CELSR1: variants seen among roughly 807,000 people sequenced by gnomAD.
The protein encoded by CELSR1 is cadherin EGF LAG seven-pass G-type receptor 1.
CELSR1 carries 110 observed loss-of-function variants against 249.1 expected under a neutral mutation model. That is an observed-to-expected ratio of 0.44 (90% CI 0.38 to 0.52). The LOEUF (loss-of-function observed/expected upper bound fraction) is 0.52, where lower values mean the gene tolerates loss of function less well. Ranked by LOEUF, CELSR1 falls within the 20% of genes least tolerant of loss-of-function variation. The pLI is 0.00. For synonymous variants in CELSR1, 2,113 were observed against 1,900.0 expected (o/e 1.11, Z -2.92); for missense variants, 4,109 against 4,296.4 (o/e 0.96, Z 1.22).
chr22:46,421,964 C>T (rs1183951295), intron 5 of CELSR1, among the ~76,000 whole-genome samples: 1 of 152,232 alleles, frequency 6.6e-6, no homozygotes, highest in Non-Finnish European at 1.5e-5. Context: ...GCCAACAAGG[C>T]CCTGAGGGCA....
At chr22:46,481,592 G>A (rs1250954831) in intron 1 of CELSR1, 6 of 791,982 alleles carry the variant, frequency 7.6e-6, no homozygotes, top group African/African-American at 1.7e-5. Context: ...ATGCACTGGT[G>A]CACCTGCTCC....
chr22:46,390,398 CCT>C lies in CELSR1; in HGVS notation c.6337_6338del (p.Arg2113GlyfsTer4), dbSNP rs1270792675. 1.9e-6 allele frequency: 3 copies of C among 1,612,978 alleles called. No individual in the cohort carries two copies. On this transcript the variant is annotated frameshift_variant, in exon 17 of 35. Transcript: ENST00000674500. LOFTEE classifies it high-confidence loss of function. The surrounding 1 kb of genome is among the most constrained non-coding windows in gnomAD (Gnocchi z 6.3). Reference protein sequence around the residue: ...NCTTISFVDLRAMNEKLSRNE... With the variant: ...NCTTISFVDLXAMNEKLSRNE... ...ATCCCCGAGGCGCCCCTACCATGGC[CCT>C]GAGGTCCACGAAGGAGATGGTGGTA...
chr22:46,367,981 C>T (rs2078806734), intron 27 of CELSR1, 126 bp from the exon 28 acceptor site: 9 of 1,319,884 alleles, frequency 6.8e-6, no homozygotes, highest in Non-Finnish European at 7.2e-6. Context: ...TCCACCTGTC[C>T]ACCCAGCCAT....
At chr22:46,507,435 G>A (rs1048457975) in intron 1 of CELSR1, among the ~76,000 whole-genome samples, 6 of 151,794 alleles carry the variant, frequency 4.0e-5, no homozygotes, top group African/African-American at 9.7e-5. Context: ...ACAGCACCCC[G>A]AGCAGCTGCA....
At chr22:46,370,404 C>G (rs1372122795) in intron 25 of CELSR1, among the ~76,000 whole-genome samples, 1 of 151,970 alleles carries the variant, frequency 6.6e-6, no homozygotes, top group Non-Finnish European at 1.5e-5. Flanking sequence ...GAGGCACACA[C>G]CATACACACG....
In CELSR1 at chr22:46,484,213, TG is replaced by T. The variant is rs1447272963; in HGVS notation, c.3545-19869del. Among the ~76,000 whole-genome samples the T allele has an allele frequency of 3.3e-5, 5 of 152,090 alleles. No homozygotes were observed. Among genetic ancestry groups the T allele is most frequent in the Non-Finnish European group, 4.4e-5 (3 of 68,022 alleles). ...GTGGGGACGGGTCCGAGGTCTGAACTGGGCACCAGTAAACCTGGCATCCACA... is the reference window on the plus strand; with the variant it reads ...GTGGGGACGGGTCCGAGGTCTGAACTGGCACCAGTAAACCTGGCATCCACA... On this transcript the variant is annotated intron_variant, in intron 1 of 34. Coordinates refer to ENST00000674500, the MANE Select transcript of CELSR1 (RefSeq NM_001378328.1). The surrounding 1 kb of genome is among the most constrained non-coding windows in gnomAD (Gnocchi z 4.5).
chr22:46,521,338 T>C (rs1219539743), intron 1 of CELSR1, among the ~76,000 whole-genome samples: 1 of 151,896 alleles, frequency 6.6e-6, no homozygotes, highest in Non-Finnish European at 1.5e-5. Context: ...ATCCCGTCTC[T>C]ACTAAAAATT....
Position 46,415,205 on chromosome 22 carries a change from C to T in CELSR1, c.4612-3446G>A, listed in dbSNP as rs564527183. ...CGCTCTGTCACCCAGGCTGGAGTGC[C>T]GTGGCATGATCTCGGCTCACTGCAA... On this transcript the variant is annotated intron_variant, in intron 5 of 34. Transcript: ENST00000674500. 2.0e-5 allele frequency among the ~76,000 whole-genome samples: 3 copies of T among 152,142 alleles called. No individual in the cohort carries two copies. In the East Asian group the frequency reaches 5.8e-4, roughly 29 times the overall value.
At chr22:46,491,637 C>CTTT (rs72436813) in intron 1 of CELSR1, among the ~76,000 whole-genome samples, 1 of 136,218 alleles carries the variant, frequency 7.3e-6, no homozygotes, top group Non-Finnish European at 1.6e-5. Flanking sequence ...CTCTCTCTCT[C>CTTT]TTTTTTTTTT....
In CELSR1 at chr22:46,488,784, C is replaced by T. The variant is rs932744508; in HGVS notation, c.3545-24439G>A. On this transcript the variant is annotated intron_variant, in intron 1 of 34. Transcript: ENST00000674500. The surrounding 1 kb of genome is among the most constrained non-coding windows in gnomAD (Gnocchi z 4.7). ...ATGCCATTCTCCTGCCTCAGCCTCC[C>T]GAGTAGCTGGGACTACAGGCGCCCG... 2.6e-5 allele frequency among the ~76,000 whole-genome samples: 4 copies of T among 152,068 alleles called. No homozygotes were observed. Among genetic ancestry groups the T allele is most frequent in the African/African-American group, 9.7e-5 (4 of 41,414 alleles).
chr22:46,535,219 T>C lies in CELSR1; in HGVS notation c.1952A>G (p.Glu651Gly), dbSNP rs1180660984. Residue 651 changes from glutamate to glycine, a missense_variant, in exon 1 of 35, where the codon GAG (glutamate) becomes GGG (glycine). Glu to Gly is a moderately conservative substitution (Grantham distance 98, BLOSUM62 -2). Coordinates refer to ENST00000674500, the MANE Select transcript of CELSR1 (RefSeq NM_001378328.1). ...CGCCTCCACCCCGAAGCTGTAGTGC[T>C]CCACCTCCTCGCGGTCCAGCTCGGC... ...VCAELDREEV[E>G]HYSFGVEAVD... is the part of the protein sequence containing the mutation. The C allele has an allele frequency of 1.2e-6, 2 of 1,609,714 alleles. No individual in the cohort carries two copies. The highest frequency in any genetic ancestry group is 1.7e-5 in the Admixed American group (1 of 60,012).
Position 46,363,340 on chromosome 22 carries a change from A to C in CELSR1, c.9036-93T>G. On this transcript the variant is annotated intron_variant, in intron 34 of 34. Transcript: ENST00000674500. This position sits in a 1 kb window ranked among gnomAD's most constrained non-coding sequence, Gnocchi z 4.3. ...GGTTGTCACACGGGGGGGCAGGATCACCCCATCAGGGTAGAGGGGGCGTCT... is the reference window on the plus strand; with the variant it reads ...GGTTGTCACACGGGGGGGCAGGATCCCCCCATCAGGGTAGAGGGGGCGTCT... The C allele has an allele frequency of 6.8e-6, 7 of 1,028,176 alleles. No individual in the cohort carries two copies. The highest frequency in any genetic ancestry group is 2.8e-5 in the East Asian group (1 of 35,942). The allele number at this position is 1,028,176 out of a possible 1,614,324, so 63.7% of individuals were successfully genotyped here.
rs1473124282 is a variant in CELSR1 at position 46,439,188 on chromosome 22, C to T, written c.4406+1G>A. Reference sequence around the variant, plus strand: ...TGTGGCGCGGCGGGACGCACACTCACGTGAGGGAGATGGTGAAGTGGAAGC... The same window carrying T: ...TGTGGCGCGGCGGGACGCACACTCATGTGAGGGAGATGGTGAAGTGGAAGC... On this transcript the variant is annotated splice_donor_variant, in intron 3 of 34. Coordinates refer to ENST00000674500, the MANE Select transcript of CELSR1 (RefSeq NM_001378328.1). LOFTEE classifies it high-confidence loss of function. The T allele has an allele frequency of 1.2e-6, 2 of 1,612,082 alleles. No homozygotes were observed. The highest frequency in any genetic ancestry group is 1.7e-6 in the Non-Finnish European group (2 of 1,178,764).
In CELSR1 at chr22:46,399,453, G is replaced by C. The variant is rs767238590; in HGVS notation, c.5412+264C>G. Among the ~76,000 whole-genome samples the C allele has an allele frequency of 6.6e-6, 1 of 152,224 alleles. No homozygotes were observed. Among genetic ancestry groups the C allele is most frequent in the African/African-American group, 2.4e-5 (1 of 41,460 alleles). ...TTGCTAAAAGAAACCACTGCTGAAG[G>C]CACCAACAGCATCATGATGAGAAAT... On this transcript the variant is annotated intron_variant, in intron 10 of 34. Transcript: ENST00000674500. This position sits in a 1 kb window ranked among gnomAD's most constrained non-coding sequence, Gnocchi z 5.0.
chr22:46,528,657 G>A (rs55776804), intron 1 of CELSR1, among the ~76,000 whole-genome samples: 2,325 of 152,296 alleles, frequency 0.015, 65 homozygotes, highest in African/African-American at 0.053. Context: ...GGCCAGACGC[G>A]GTGGCTCACG....
At chr22:46,479,790 G>T (rs553563494) in intron 1 of CELSR1, among the ~76,000 whole-genome samples, 2 of 151,326 alleles carry the variant, frequency 1.3e-5, no homozygotes, top group Non-Finnish European at 3.0e-5. Context: ...GTGCCATGCC[G>T]GAGCAGGAAC....
intron 5 of CELSR1, among the ~76,000 whole-genome samples, chr22:46,421,208 G>T (rs879796070): frequency 6.8e-6 from 1 of 147,792 alleles, no homozygotes; most frequent in African/African-American, 2.7e-5. Flanking sequence ...CGAGGTGCTG[G>T]GGGGGTAGAG....
In CELSR1 at chr22:46,363,619, G is replaced by A. The variant is rs574492921; in HGVS notation, c.9036-372C>T. ...GGGGCCAGGACCCCAGCTCCACCCCGCCCCCTTCACCCCTGGCATTCCGGG... is the reference window on the plus strand; with the variant it reads ...GGGGCCAGGACCCCAGCTCCACCCCACCCCCTTCACCCCTGGCATTCCGGG... On this transcript the variant is annotated intron_variant, in intron 34 of 34. Coordinates refer to ENST00000674500, the MANE Select transcript of CELSR1 (RefSeq NM_001378328.1). This position sits in a 1 kb window ranked among gnomAD's most constrained non-coding sequence, Gnocchi z 4.3. The A allele has an allele frequency of 6.8e-5, 24 of 354,742 alleles. 1 individual carries two copies. The South Asian group carries it at 6.8e-4, about 10-fold the overall frequency. 22.0% of individuals were successfully genotyped at this position (354,742 alleles called of 1,614,324 possible).
intron 28 of CELSR1, 69 bp downstream of exon 28, chr22:46,367,660 C>T: frequency 1.0e-5 from 16 of 1,544,214 alleles, no homozygotes; most frequent in Non-Finnish European, 1.3e-5. Flanking sequence ...GCCTCCACTG[C>T]TTCGCATCAC....
Sources: gnomAD v4.1 joint callset for allele counts (sites outside exome capture counted in the v4.1 genomes callset) on GRCh38, gnomAD v4.1.1 for gene constraint, Gnocchi (gnomAD v3.1) non-coding constraint, MANE v1.5 for transcripts, NCBI Gene and HGNC (gene_info 2026-07-23, HGNC 2026-07-21) for gene names.